The following CSNK2A2IP variants were observed in gnomAD, a reference collection of about 807,000 sequenced individuals.
CSNK2A2IP encodes casein kinase II subunit alpha'-interacting protein.
At chr3:88,454,966 T>C in the CSNK2A2IP span, among the ~76,000 whole-genome samples, 1 of 151,008 alleles carries the variant, frequency 6.6e-6, no homozygotes, top group Non-Finnish European at 1.5e-5. Context: ...GTTTCACATA[T>C]AAGTGAGATC....
the CSNK2A2IP span, among the ~76,000 whole-genome samples, chr3:88,367,994 T>C: frequency 6.6e-6 from 1 of 152,066 alleles, no homozygotes; most frequent in Non-Finnish European, 1.5e-5. Context: ...ATTTTGGAGG[T>C]ATAAATTTCC....
the CSNK2A2IP span, among the ~76,000 whole-genome samples, chr3:88,341,557 A>G: frequency 1.3e-5 from 2 of 151,836 alleles, no homozygotes; most frequent in Non-Finnish European, 2.9e-5. Flanking sequence ...TAAACAGTAA[A>G]CATTTCTTGA....
chr3:88,375,595 T>G, the CSNK2A2IP span, among the ~76,000 whole-genome samples: 25 of 151,770 alleles, frequency 1.6e-4, no homozygotes, highest in Admixed American at 7.2e-4. Flanking sequence ...TTCAAATGTA[T>G]GTAAAATAAC....
the CSNK2A2IP span, among the ~76,000 whole-genome samples, chr3:88,376,010 C>G: frequency 6.6e-6 from 1 of 151,726 alleles, no homozygotes; most frequent in East Asian, 1.9e-4. Flanking sequence ...TTGTATTACC[C>G]AAACCCAGAG....
the CSNK2A2IP span, among the ~76,000 whole-genome samples, chr3:88,373,667 T>G: frequency 0.013 from 2,010 of 150,020 alleles, 43 homozygotes; most frequent in African/African-American, 0.044. Flanking sequence ...AATTTTAAAT[T>G]TTTAGAAATG....
chr3:88,433,269 G>GT, the CSNK2A2IP span, among the ~76,000 whole-genome samples: 54,472 of 151,538 alleles, frequency 0.36, 11,069 homozygotes, highest in Non-Finnish European at 0.47. Flanking sequence ...CCTTTGTTCT[G>GT]TTTTTTCTGT....
the CSNK2A2IP span, among the ~76,000 whole-genome samples, chr3:88,375,346 T>C: frequency 6.6e-6 from 1 of 151,810 alleles, no homozygotes; most frequent in African/African-American, 2.4e-5. Context: ...TCTATCCTGT[T>C]GTTGGGTGAA....
At chr3:88,466,744 C>A in the CSNK2A2IP span, 5 of 899,940 alleles carry the variant, frequency 5.6e-6, no homozygotes, top group Non-Finnish European at 7.3e-6. Flanking sequence ...AAGGCCAAAT[C>A]CTCATCCTGG....
the CSNK2A2IP span, among the ~76,000 whole-genome samples, chr3:88,460,425 C>T: frequency 2.0e-5 from 3 of 152,080 alleles, no homozygotes; most frequent in Non-Finnish European, 2.9e-5. Context: ...TTAAACATTA[C>T]GTTCTTCACT....
chr3:88,460,610 A>G, the CSNK2A2IP span, among the ~76,000 whole-genome samples: 2 of 152,294 alleles, frequency 1.3e-5, no homozygotes, highest in South Asian at 2.1e-4. Flanking sequence ...TAAAGGAACA[A>G]ACAAAAATAC....
At chr3:88,356,462 G>C in the CSNK2A2IP span, among the ~76,000 whole-genome samples, 1 of 152,028 alleles carries the variant, frequency 6.6e-6, no homozygotes, top group Non-Finnish European at 1.5e-5. Context: ...ATATTCCATG[G>C]TGTATTTGTA....
the CSNK2A2IP span, among the ~76,000 whole-genome samples, chr3:88,380,744 A>G: frequency 6.6e-6 from 1 of 152,162 alleles, no homozygotes; most frequent in African/African-American, 2.4e-5. Flanking sequence ...CATAATAACT[A>G]TAAGAAACAG....
chr3:88,366,528 T>A, the CSNK2A2IP span, among the ~76,000 whole-genome samples: 2 of 152,156 alleles, frequency 1.3e-5, no homozygotes, highest in Non-Finnish European at 2.9e-5. Flanking sequence ...ATACTTTATA[T>A]CCTCAAGCTA....
the CSNK2A2IP span, among the ~76,000 whole-genome samples, chr3:88,372,626 C>A: frequency 2.0e-5 from 3 of 151,210 alleles, no homozygotes; most frequent in South Asian, 6.2e-4. Flanking sequence ...TAAGTCCAGG[C>A]ATATTGATTA....
the CSNK2A2IP span, among the ~76,000 whole-genome samples, chr3:88,379,954 C>T: frequency 1.3e-5 from 2 of 152,168 alleles, no homozygotes; most frequent in South Asian, 4.1e-4. Flanking sequence ...TGTTAGGTAT[C>T]ATTTATTATG....
the CSNK2A2IP span, chr3:88,467,567 T>C: frequency 5.0e-6 from 2 of 398,480 alleles, no homozygotes; most frequent in Non-Finnish European, 8.9e-6. Context: ...AAATGAGAAA[T>C]TGTGATTAAA....
At chr3:88,390,209 C>T in the CSNK2A2IP span, among the ~76,000 whole-genome samples, 3 of 152,058 alleles carry the variant, frequency 2.0e-5, no homozygotes, top group East Asian at 5.8e-4. Flanking sequence ...ACCTGATACA[C>T]TTGAATGGAA....
chr3:88,417,103 AT>A, the CSNK2A2IP span, among the ~76,000 whole-genome samples: 50,425 of 149,590 alleles, frequency 0.34, 10,638 homozygotes, highest in South Asian at 0.52. Flanking sequence ...GATAACATGA[AT>A]TTTTTTTTTT....
At chr3:88,374,434 A>C in the CSNK2A2IP span, among the ~76,000 whole-genome samples, 5 of 151,664 alleles carry the variant, frequency 3.3e-5, no homozygotes, top group African/African-American at 1.2e-4. Context: ...CATACAAACA[A>C]ATTTTACCAA....
Sources: gnomAD v4.1 joint callset for allele counts (sites outside exome capture counted in the v4.1 genomes callset) on GRCh38, gnomAD v4.1.1 for gene constraint, MANE v1.5 for transcripts, NCBI Gene and HGNC (gene_info 2026-07-23, HGNC 2026-07-21) for gene names.